Variants in NAV2 observed in about 807,000 individuals in gnomAD.
The protein encoded by NAV2 is helicase, APC down-regulated 1.
NAV2 carries 54 observed loss-of-function variants against 223.2 expected under a neutral mutation model. That is an observed-to-expected ratio of 0.24 (90% CI 0.19 to 0.30). The LOEUF is 0.30. Among genes scored for constraint, NAV2 ranks in the 10% least tolerant of loss-of-function variants. The pLI, the probability that NAV2 is intolerant of heterozygous loss-of-function variation, is 1.00. For missense variants in NAV2, 2,806 were observed against 3,147.5 expected (o/e 0.89, Z 2.60); for synonymous variants, 1,279 against 1,239.3 (o/e 1.03, Z -0.67).
At chr11:19,653,422 C>T (rs745975605) in intron 1 of NAV2, among the ~76,000 whole-genome samples, 5 of 152,180 alleles carry the variant, frequency 3.3e-5, no homozygotes, top group Admixed American at 6.5e-5. Flanking sequence ...CTCTTCTAAG[C>T]GCCAGGCATT....
intron 1 of NAV2, among the ~76,000 whole-genome samples, chr11:19,570,715 A>G (rs2045400318): frequency 6.6e-6 from 1 of 152,216 alleles, no homozygotes; most frequent in Non-Finnish European, 1.5e-5. Context: ...AGGGACAAAC[A>G]AGTCAAAACC....
intron 1 of NAV2, among the ~76,000 whole-genome samples, chr11:19,809,155 A>T (rs1020491478): frequency 6.6e-6 from 1 of 152,226 alleles, no homozygotes; most frequent in African/African-American, 2.4e-5. Context: ...CTGAACAGTT[A>T]CTAATGAGTA....
chr11:19,706,581 C>T (rs2049670064), intron 1 of NAV2, among the ~76,000 whole-genome samples: 1 of 152,094 alleles, frequency 6.6e-6, no homozygotes, highest in African/African-American at 2.4e-5. Context: ...TTTTCAGTTT[C>T]GAGAAAGGAC....
At chr11:19,848,771 C>T (rs1229594713) in intron 3 of NAV2, among the ~76,000 whole-genome samples, 3 of 152,160 alleles carry the variant, frequency 2.0e-5, no homozygotes, top group Non-Finnish European at 4.4e-5. Flanking sequence ...AGACATGCCT[C>T]GGGAACAGCC....
intron 1 of NAV2, among the ~76,000 whole-genome samples, chr11:19,412,719 A>G (rs1222124221): frequency 1.3e-5 from 2 of 152,158 alleles, no homozygotes; most frequent in East Asian, 3.9e-4. Flanking sequence ...GAAGCTTCCA[A>G]AGGAAGAAAC....
At chr11:19,901,858 T>C (rs2042473272) in intron 6 of NAV2, among the ~76,000 whole-genome samples, 1 of 152,246 alleles carries the variant, frequency 6.6e-6, no homozygotes, top group Non-Finnish European at 1.5e-5. Flanking sequence ...TTTTCATTGC[T>C]GTCTTGTTTC....
chr11:19,732,065 A>T (rs965517281), intron 1 of NAV2, among the ~76,000 whole-genome samples: 50 of 152,254 alleles, frequency 3.3e-4, no homozygotes, highest in African/African-American at 1.1e-3. Flanking sequence ...CCTGGCCAAC[A>T]TGGCAAAACC....
At chr11:20,103,203 C>T in intron 32 of NAV2, 52 bp from the exon 33 acceptor site, 1 of 1,567,756 alleles carries the variant, frequency 6.4e-7, no homozygotes, top group Non-Finnish European at 8.7e-7. Flanking sequence ...GGTGTGTCTT[C>T]ACTGAGTGCA....
chr11:19,700,921 T>TA (rs1227222057), intron 1 of NAV2, among the ~76,000 whole-genome samples: 9 of 152,212 alleles, frequency 5.9e-5, no homozygotes, highest in South Asian at 2.1e-4. Context: ...AAAACGCTAT[T>TA]AGAATGAATG....
intron 1 of NAV2, among the ~76,000 whole-genome samples, chr11:19,368,790 A>AT: frequency 6.6e-6 from 1 of 152,108 alleles, no homozygotes; most frequent in Non-Finnish European, 1.5e-5. Flanking sequence ...TTTTAATCAT[A>AT]TTTTTCAGAT....
intron 1 of NAV2, among the ~76,000 whole-genome samples, chr11:19,679,625 T>C (rs2048822732): frequency 6.6e-6 from 1 of 152,182 alleles, no homozygotes; most frequent in South Asian, 2.1e-4. Context: ...TCTTCAAGAT[T>C]CATCTCAAAC....
At chr11:19,606,429 C>A (rs137937698) in intron 1 of NAV2, among the ~76,000 whole-genome samples, 4 of 152,198 alleles carry the variant, frequency 2.6e-5, no homozygotes, top group Non-Finnish European at 5.9e-5. Flanking sequence ...AGAGTAAGAG[C>A]TTTGACTCAG....
At chr11:20,106,183 GTATATATATATATATATA>G (rs1182631250) in intron 35 of NAV2, among the ~76,000 whole-genome samples, 311 of 25,534 alleles carry the variant, frequency 0.012, 10 homozygotes, top group African/African-American at 0.029. Context: ...ATATGTGTGT[GTATATATATATATATATA>G]TATATATATA....
chr11:19,465,777 T>A (rs1165080297), intron 1 of NAV2, among the ~76,000 whole-genome samples: 1 of 152,220 alleles, frequency 6.6e-6, no homozygotes. Context: ...CTTTTTACAG[T>A]TGGGGAAACT....
chr11:19,954,591 G>A lies in NAV2; in HGVS notation c.2645+5511G>A, dbSNP rs545515283. On this transcript the variant is annotated intron_variant, in intron 10 of 37. Coordinates refer to ENST00000349880, the MANE Select transcript of NAV2 (RefSeq NM_145117.5). ...CTATAATATCTAATACAATGTAAATGCTATATGGATAGTTGTTATACTTTA... is the reference window on the plus strand; with the variant it reads ...CTATAATATCTAATACAATGTAAATACTATATGGATAGTTGTTATACTTTA... 2.5e-3 allele frequency among the ~76,000 whole-genome samples: 386 copies of A among 152,242 alleles called. 2 individuals carry two copies. Among genetic ancestry groups the A allele is most frequent in the African/African-American group, 9.1e-3 (379 of 41,534 alleles).
At position 19,835,957 on chromosome 11, in the gene NAV2, C is replaced by T. The variant is rs908712812; in HGVS notation, c.385+3356C>T. Among the ~76,000 whole-genome samples, 4 of 152,216 alleles carry T rather than the reference C, an allele frequency of 2.6e-5. No homozygotes were observed. In the East Asian group the frequency reaches 5.8e-4, roughly 22 times the overall value. On this transcript the variant is annotated intron_variant, in intron 2 of 37. Transcript: ENST00000349880. ...GCTCCCCGACACAGAACCAGAGGGACCTCCCTCTATCATCCCACCAGCTGC... is the reference window on the plus strand; with the variant it reads ...GCTCCCCGACACAGAACCAGAGGGATCTCCCTCTATCATCCCACCAGCTGC...
chr11:20,071,582 G>A (rs981065780), intron 22 of NAV2, among the ~76,000 whole-genome samples: 3 of 152,178 alleles, frequency 2.0e-5, no homozygotes, highest in African/African-American at 7.2e-5. Flanking sequence ...CTCATCAACA[G>A]TATAAAAGTG....
At chr11:19,673,612 T>C (rs2135823056) in intron 1 of NAV2, among the ~76,000 whole-genome samples, 1 of 152,340 alleles carries the variant, frequency 6.6e-6, no homozygotes, top group Non-Finnish European at 1.5e-5. Context: ...AGACATTAAG[T>C]GGCACATTAG....
chr11:19,741,767 A>G (rs1393367510), intron 1 of NAV2, among the ~76,000 whole-genome samples: 1 of 147,312 alleles, frequency 6.8e-6, no homozygotes, highest in Admixed American at 6.8e-5. Context: ...ATAGACATTT[A>G]TGTTGTTTCC....
Sources: allele counts gnomAD v4.1 joint callset (sites outside exome capture counted in the v4.1 genomes callset), GRCh38; gene constraint gnomAD v4.1.1; transcripts MANE v1.5; gene names NCBI Gene and HGNC (gene_info 2026-07-23, HGNC 2026-07-21).